Variants in ADAMTS3 observed in about 807,000 individuals in gnomAD.
ADAMTS3 encodes the protein A disintegrin and metalloproteinase with thrombospondin motifs 3.
In ADAMTS3, 73 loss-of-function variants were observed where a neutral mutation model predicts 129.0. The observed-to-expected ratio is 0.57, with a 90% confidence interval of 0.47 to 0.69. The LOEUF (loss-of-function observed/expected upper bound fraction) is 0.69, where lower values mean the gene tolerates loss of function less well. Ranked by LOEUF, ADAMTS3 falls within the 30% of genes least tolerant of loss-of-function variation. The pLI is 0.00. For missense variants in ADAMTS3, 1,457 were observed against 1,514.5 expected (o/e 0.96, Z 0.63); for synonymous variants, 477 against 510.8 (o/e 0.93, Z 0.89).
At chr4:72,347,884 C>A (rs1438801584) in intron 4 of ADAMTS3, among the ~76,000 whole-genome samples, 2 of 151,828 alleles carry the variant, frequency 1.3e-5, no homozygotes, top group Non-Finnish European at 2.9e-5. Flanking sequence ...TTCACAGCTG[C>A]CGTTTCAAAG....
At chr4:72,510,627 TA>T (rs532575143) in intron 3 of ADAMTS3, among the ~76,000 whole-genome samples, 41 of 151,466 alleles carry the variant, frequency 2.7e-4, no homozygotes, top group African/African-American at 8.7e-4. Flanking sequence ...CACCAAAACA[TA>T]AAAAAATGCC....
intron 4 of ADAMTS3, among the ~76,000 whole-genome samples, chr4:72,374,885 C>T (rs1057060502): frequency 6.6e-6 from 1 of 152,178 alleles, no homozygotes; most frequent in Non-Finnish European, 1.5e-5. Context: ...TAAGCAACTA[C>T]CACCTTTAAA....
chr4:72,516,615 A>G (rs865997224), intron 3 of ADAMTS3, among the ~76,000 whole-genome samples: 1 of 152,074 alleles, frequency 6.6e-6, no homozygotes, highest in Non-Finnish European at 1.5e-5. Context: ...ATGGGAGTTC[A>G]CTCATGATTT....
intron 3 of ADAMTS3, among the ~76,000 whole-genome samples, chr4:72,535,483 T>G (rs1180752312): frequency 6.6e-6 from 1 of 152,176 alleles, no homozygotes; most frequent in Non-Finnish European, 1.5e-5. Context: ...ATCTTCTACT[T>G]TTAGAGACAT....
intron 4 of ADAMTS3, among the ~76,000 whole-genome samples, chr4:72,407,117 T>C (rs932479094): frequency 3.3e-5 from 5 of 152,132 alleles, no homozygotes; most frequent in South Asian, 2.1e-4. Flanking sequence ...GAAAGATCCA[T>C]TTACTGTACA....
At chr4:72,478,495 C>A (rs1167416721) in intron 3 of ADAMTS3, among the ~76,000 whole-genome samples, 1 of 149,248 alleles carries the variant, frequency 6.7e-6, no homozygotes, top group East Asian at 1.9e-4. Context: ...TTCAACAACC[C>A]TTCATGCTAA....
At chr4:72,500,147 T>C (rs566061756) in intron 3 of ADAMTS3, among the ~76,000 whole-genome samples, 1 of 152,304 alleles carries the variant, frequency 6.6e-6, no homozygotes, top group East Asian at 1.9e-4. Context: ...TACCCAGTAA[T>C]GAGACTGCTG....
At chr4:72,408,151 G>A (rs778918569) in intron 4 of ADAMTS3, among the ~76,000 whole-genome samples, 32 of 151,834 alleles carry the variant, frequency 2.1e-4, no homozygotes, top group Non-Finnish European at 4.7e-4. Context: ...TAAATTGACA[G>A]TAAACTCATG....
intron 2 of ADAMTS3, among the ~76,000 whole-genome samples, chr4:72,563,895 A>G (rs1316711403): frequency 6.6e-6 from 1 of 152,206 alleles, no homozygotes; most frequent in Non-Finnish European, 1.5e-5. Context: ...ATCAAAACAA[A>G]GTCTTTGCTC....
intron 3 of ADAMTS3, among the ~76,000 whole-genome samples, chr4:72,495,629 T>C (rs1212652148): frequency 7.2e-5 from 11 of 152,088 alleles, no homozygotes; most frequent in Admixed American, 1.3e-4. Context: ...TAATAACAGT[T>C]GCAAAAAAAT....
chr4:72,401,091 A>C (rs1316517831), intron 4 of ADAMTS3, among the ~76,000 whole-genome samples: 2 of 151,840 alleles, frequency 1.3e-5, no homozygotes, highest in African/African-American at 4.8e-5. Flanking sequence ...CATCAGTTAC[A>C]CTAGTCACAT....
intron 3 of ADAMTS3, among the ~76,000 whole-genome samples, chr4:72,478,384 C>G: frequency 6.7e-6 from 1 of 148,298 alleles, no homozygotes; most frequent in East Asian, 2.0e-4. Context: ...AAGGCTGGTT[C>G]AATATATGCA....
intron 3 of ADAMTS3, among the ~76,000 whole-genome samples, chr4:72,429,849 C>T (rs1476293808): frequency 6.6e-6 from 1 of 151,922 alleles, no homozygotes; most frequent in Admixed American, 6.6e-5. Flanking sequence ...ATAGAAAAGA[C>T]CATATCATGG....
chr4:72,292,510 C>T (rs1718700158), intron 19 of ADAMTS3, among the ~76,000 whole-genome samples: 1 of 152,156 alleles, frequency 6.6e-6, no homozygotes, highest in South Asian at 2.1e-4. Context: ...GAAACATTTC[C>T]AGAGGCATTT....
intron 4 of ADAMTS3, among the ~76,000 whole-genome samples, chr4:72,382,536 C>T (rs977148770): frequency 2.0e-5 from 3 of 152,044 alleles, no homozygotes; most frequent in Non-Finnish European, 4.4e-5. Flanking sequence ...TACTGGGTAT[C>T]TACCCAAAGG....
chr4:72,435,260 A>G (rs780720661), intron 3 of ADAMTS3, among the ~76,000 whole-genome samples: 5 of 151,820 alleles, frequency 3.3e-5, no homozygotes, highest in Admixed American at 2.0e-4. Context: ...GTGCCTTTTT[A>G]GGCAACTCAA....
At chr4:72,338,759 G>T (rs2109830764) in intron 5 of ADAMTS3, among the ~76,000 whole-genome samples, 1 of 152,112 alleles carries the variant, frequency 6.6e-6, no homozygotes, top group East Asian at 1.9e-4. Flanking sequence ...AACATATATA[G>T]AGTACATCAA....
intron 3 of ADAMTS3, among the ~76,000 whole-genome samples, chr4:72,489,062 A>G (rs1014730740): frequency 6.6e-6 from 1 of 151,980 alleles, no homozygotes; most frequent in African/African-American, 2.4e-5. Flanking sequence ...TATTTCACTT[A>G]GCATAAAGTC....
intron 3 of ADAMTS3, among the ~76,000 whole-genome samples, chr4:72,506,590 C>T (rs572191345): frequency 5.4e-4 from 82 of 152,288 alleles, no homozygotes; most frequent in African/African-American, 1.8e-3. Context: ...GTTCTCAGTC[C>T]CACATCTAGG....
Sources: allele counts gnomAD v4.1 joint callset (sites outside exome capture counted in the v4.1 genomes callset), GRCh38; gene constraint gnomAD v4.1.1; transcripts MANE v1.5; gene names NCBI Gene and HGNC (gene_info 2026-07-23, HGNC 2026-07-21).